Variants in GLI2 observed in about 807,000 individuals in gnomAD.
The protein encoded by GLI2 is GLI family zinc finger 2, also known as transcription activator GLI2.
A neutral mutation model predicts 78.9 loss-of-function variants in GLI2; 22 were observed. That is an observed-to-expected ratio of 0.28 (90% CI 0.20 to 0.40). GLI2 has a LOEUF of 0.40. GLI2 is among the 10% of genes least tolerant of loss of function. GLI2 has a pLI of 1.00. For missense variants in GLI2, 2,097 were observed against 2,213.2 expected, an observed-to-expected ratio of 0.95 and a Z score of 1.05; for synonymous variants, 974 against 963.7, an observed-to-expected ratio of 1.01 and a Z score of -0.20.
At position 120,800,455 on chromosome 2, in the gene GLI2, T is replaced by C. The variant is rs1490368659; in HGVS notation, c.148+2987T>C. On this transcript the variant is annotated intron_variant, in intron 2 of 13. Coordinates refer to ENST00000361492, the MANE Select transcript of GLI2 (RefSeq NM_001374353.1). This position sits in a 1 kb window ranked among gnomAD's most constrained non-coding sequence, Gnocchi z 4.1. ...CCATGGTTCACACCCTGATTTGCTGTCTGGCGGAAAGGGATGATTTATTAT... is the reference window on the plus strand; with the variant it reads ...CCATGGTTCACACCCTGATTTGCTGCCTGGCGGAAAGGGATGATTTATTAT... 6.7e-6 allele frequency among the ~76,000 whole-genome samples: 1 copy of C among 149,368 alleles called. No individual in the cohort carries two copies. The highest frequency in any genetic ancestry group is 2.0e-4 in the East Asian group (1 of 5,034).
rs116329007 is a variant in GLI2, at chr2:120,818,032, C to T, written c.148+20564C>T. On this transcript the variant is annotated intron_variant, in intron 2 of 13. Transcript: ENST00000361492. Reference sequence around the variant, plus strand: ...ATTTGATGGGATCCTGTTTCTAAACCCCGTGCTCCACTCTTGCCTGTGCTT... The same window carrying T: ...ATTTGATGGGATCCTGTTTCTAAACTCCGTGCTCCACTCTTGCCTGTGCTT... Among the ~76,000 whole-genome samples the T allele has an allele frequency of 2.7e-3, 409 of 152,314 alleles. 3 individuals carry two copies. The highest frequency in any genetic ancestry group is 9.1e-3 in the African/African-American group (380 of 41,572).
chr2:120,963,800 G>C (rs915456949), intron 5 of GLI2, among the ~76,000 whole-genome samples: 4 of 152,240 alleles, frequency 2.6e-5, no homozygotes, highest in Non-Finnish European at 5.9e-5. Flanking sequence ...TTTGTCTTCT[G>C]TAAAATGAGC....
intron 13 of GLI2, 83 bp downstream of exon 13, chr2:120,986,697 G>A: frequency 9.2e-7 from 1 of 1,086,096 alleles, no homozygotes; most frequent in East Asian, 2.4e-5. Flanking sequence ...CCAAGCACCA[G>A]TGCTATCTCA....
chr2:120,769,209 G>A (rs1272347391), intron 1 of GLI2, among the ~76,000 whole-genome samples: 1 of 152,232 alleles, frequency 6.6e-6, no homozygotes, highest in Non-Finnish European at 1.5e-5. Context: ...CCCGCCGCCA[G>A]TGTTGACTGA....
At chr2:120,979,099 T>A (rs941307610) in intron 10 of GLI2, among the ~76,000 whole-genome samples, 10 of 152,170 alleles carry the variant, frequency 6.6e-5, no homozygotes, top group Admixed American at 5.2e-4. Context: ...CACCTCAGCC[T>A]CCTGAGTAGC....
chr2:120,889,455 G>A (rs1677575619), intron 2 of GLI2, among the ~76,000 whole-genome samples: 1 of 152,168 alleles, frequency 6.6e-6, no homozygotes, highest in Non-Finnish European at 1.5e-5. Flanking sequence ...GATACCATAA[G>A]CATGATTCAT....
intron 4 of GLI2, among the ~76,000 whole-genome samples, chr2:120,953,845 T>C (rs770451686): frequency 2.6e-5 from 4 of 152,150 alleles, no homozygotes; most frequent in Non-Finnish European, 5.9e-5. Flanking sequence ...AGTGAGATCC[T>C]GTCTCTAAAA....
At chr2:120,777,408 C>T (rs1033584958) in intron 1 of GLI2, among the ~76,000 whole-genome samples, 10 of 151,890 alleles carry the variant, frequency 6.6e-5, no homozygotes, top group African/African-American at 2.4e-4. Flanking sequence ...GGTGGTGGCA[C>T]CAGTCCCTGT....
intron 3 of GLI2, among the ~76,000 whole-genome samples, chr2:120,929,452 G>A (rs1679847143): frequency 6.6e-6 from 1 of 152,208 alleles, no homozygotes; most frequent in African/African-American, 2.4e-5. Flanking sequence ...GCCAAATGGC[G>A]ATTTTCTGTT....
intron 6 of GLI2, 150 bp downstream of exon 6, chr2:120,969,065 T>C: frequency 2.9e-6 from 2 of 679,156 alleles, no homozygotes; most frequent in Non-Finnish European, 5.3e-6. Context: ...ACCTTTTTTA[T>C]GAATTCAAAA....
At chr2:120,851,917 A>G (rs753455567) in intron 2 of GLI2, among the ~76,000 whole-genome samples, 4 of 152,166 alleles carry the variant, frequency 2.6e-5, no homozygotes, top group Non-Finnish European at 4.4e-5. Context: ...GAGAACTGAA[A>G]GCTTAGATAG....
chr2:120,802,107 T>G (rs1684734200), intron 2 of GLI2, among the ~76,000 whole-genome samples: 1 of 152,218 alleles, frequency 6.6e-6, no homozygotes, highest in Admixed American at 6.5e-5. Flanking sequence ...ATTTGAGGTC[T>G]GGGGCCGTGA....
intron 1 of GLI2, among the ~76,000 whole-genome samples, chr2:120,765,887 G>T (rs975548190): frequency 7.2e-5 from 11 of 152,270 alleles, no homozygotes; most frequent in Admixed American, 6.5e-4. Flanking sequence ...CTCAGGGAAT[G>T]AGATAGGAGA....
intron 2 of GLI2, among the ~76,000 whole-genome samples, chr2:120,900,123 TG>T (rs1208599560): frequency 6.6e-6 from 1 of 152,164 alleles, no homozygotes; most frequent in Non-Finnish European, 1.5e-5. Context: ...CAGAATCTCC[TG>T]GGGGTGGGAG....
intron 1 of GLI2, among the ~76,000 whole-genome samples, chr2:120,783,120 G>A (rs1683894858): frequency 6.6e-6 from 1 of 152,078 alleles, no homozygotes; most frequent in Admixed American, 6.5e-5. Flanking sequence ...CCCAAATTTG[G>A]GGCACACAGC....
At chr2:120,926,903 G>A (rs755809565) in intron 2 of GLI2, among the ~76,000 whole-genome samples, 9 of 152,222 alleles carry the variant, frequency 5.9e-5, no homozygotes, top group Non-Finnish European at 1.3e-4. Flanking sequence ...TCTGTGGGCC[G>A]TGCCATCACA....
chr2:120,938,154 G>A (rs1325118968), intron 3 of GLI2, among the ~76,000 whole-genome samples: 4 of 152,112 alleles, frequency 2.6e-5, no homozygotes, highest in Non-Finnish European at 5.9e-5. Flanking sequence ...CCTGGAGAGG[G>A]CCTAAGCAGG....
chr2:120,951,566 G>T (rs1680996497), intron 4 of GLI2, 121 bp downstream of exon 4: 1 of 650,508 alleles, frequency 1.5e-6, no homozygotes, highest in Non-Finnish European at 2.7e-6. Flanking sequence ...TGACCAGGCT[G>T]GCTGGCGTTC....
At chr2:120,914,997 G>A (rs559943679) in intron 2 of GLI2, among the ~76,000 whole-genome samples, 15 of 152,154 alleles carry the variant, frequency 9.9e-5, no homozygotes, top group East Asian at 7.7e-4. Context: ...CCTGGCTCCC[G>A]AGCGGCCAGA....
Sources: gnomAD v4.1 joint callset for allele counts (sites outside exome capture counted in the v4.1 genomes callset) on GRCh38, gnomAD v4.1.1 for gene constraint, Gnocchi (gnomAD v3.1) non-coding constraint, MANE v1.5 for transcripts, NCBI Gene and HGNC (gene_info 2026-07-23, HGNC 2026-07-21) for gene names.